RBM10: variants seen among roughly 807,000 people sequenced by gnomAD.
RBM10 encodes the protein RNA binding motif protein 10, also known as RNA-binding protein 10.
Under a neutral mutation model 84.9 loss-of-function variants are expected in RBM10, and 1 was observed. The observed-to-expected ratio is 0.01, with a 90% CI of 0.00 to 0.06. The LOEUF is 0.06. Ranked by LOEUF, RBM10 falls within the 10% of genes least tolerant of loss-of-function variation. The pLI is 1.00. For missense variants in RBM10, 438 were observed against 839.0 expected, an observed-to-expected ratio of 0.52 and a Z score of 5.90; for synonymous variants, 326 against 344.5, an observed-to-expected ratio of 0.95 and a Z score of 0.60.
rs782010379 is a variant in RBM10, at chrX:47,169,293, C to T, written c.18-22C>T. Reference sequence around the variant, plus strand: ...AGAAAGGGCAACCTTCTGATCCCTCCCCATCCTTCTTCCTCCACTAGTGGT... The same window carrying T: ...AGAAAGGGCAACCTTCTGATCCCTCTCCATCCTTCTTCCTCCACTAGTGGT... On this transcript the variant is annotated intron_variant, in intron 2 of 23. Coordinates refer to ENST00000377604, the MANE Select transcript of RBM10 (RefSeq NM_005676.5). 4 of 1,194,086 alleles carry T rather than the reference C, an allele frequency of 3.3e-6. No homozygotes were observed. The East Asian group carries it at 1.2e-4, about 36-fold the overall frequency.
In RBM10 at chrX:47,171,886, G is replaced by A. The variant is rs781872350; in HGVS notation, c.432+628G>A. On this transcript the variant is annotated intron_variant, in intron 4 of 23. Transcript: ENST00000377604. ...ATCTTGGTCCTTCTTAGTCTACTCC[G>A]CCGCCCCTCACCCCCTACCCCCATG... Among the ~76,000 whole-genome samples, 103 of 111,180 alleles carry A rather than the reference G, an allele frequency of 9.3e-4. 2 individuals carry two copies. Among genetic ancestry groups the A allele is most frequent in the African/African-American group, 3.1e-3 (94 of 30,593 alleles).
rs782425783 is a variant in RBM10 at position 47,181,770 on chromosome X, G to T, written c.1597G>T (p.Ala533Ser). ...NSQSYTIMSPAVLKSELQSPT... is the reference protein window; with the variant it reads ...NSQSYTIMSPSVLKSELQSPT... ...CCAGTCGTATACCATCATGTCACCC[G>T]CTGTGCTCAAATCTGAGCTCCAGAG... The change falls in exon 15 of 24, where the codon GCT becomes TCT. Residue 533 changes from alanine to serine, a missense_variant. Transcript: ENST00000377604. The T allele has an allele frequency of 8.3e-7, 1 of 1,211,047 alleles. No homozygotes were observed. Among genetic ancestry groups the T allele is most frequent in the Non-Finnish European group, 1.1e-6 (1 of 895,369 alleles).
chrX:47,165,848 C>T (rs1157759366), intron 2 of RBM10, among the ~76,000 whole-genome samples: 1 of 110,128 alleles, frequency 9.1e-6, no homozygotes, highest in African/African-American at 3.3e-5. Flanking sequence ...AGTGAAACCC[C>T]GTCTCTACTA....
At chrX:47,152,398 CTTGTT>C (rs1932820733) in intron 2 of RBM10, among the ~76,000 whole-genome samples, 1 of 100,592 alleles carries the variant, frequency 9.9e-6, no homozygotes, top group South Asian at 4.8e-4. Flanking sequence ...CTCAGAATTA[CTTGTT>C]TTAAGTATTT....
At chrX:47,145,592 G>C (rs373816123) in intron 1 of RBM10, 107 bp downstream of exon 1, 2 of 808,578 alleles carry the variant, frequency 2.5e-6, no homozygotes, top group East Asian at 7.3e-5. Flanking sequence ...CGGAACGGAG[G>C]GGTTGGTGCA....
chrX:47,176,736 C>G (rs1935184165), intron 7 of RBM10, 150 bp downstream of exon 7: 1 of 1,027,051 alleles, frequency 9.7e-7, no homozygotes, highest in African/African-American at 1.9e-5. Flanking sequence ...CTCTCTCTCT[C>G]TCTCTCTCAT....
Position 47,145,237 on chromosome X carries a change from T to G in RBM10, c.-374T>G. 1 of 463,552 alleles carries G rather than the reference T, an allele frequency of 2.2e-6. No individual in the cohort carries two copies. The highest frequency in any genetic ancestry group is 3.2e-5 in the Admixed American group (1 of 31,524). The allele number at this position is 463,552 out of a possible 1,213,427, so 38.2% of individuals were successfully genotyped here. ...CGCTTCCTTAGTAGGTGGATGGTGG[T>G]CGGAGCGCCGACTCCCTTCTCGTCG... On this transcript the variant is annotated 5_prime_UTR_variant, in exon 1 of 24. Transcript: ENST00000377604.
chrX:47,164,025 C>T (rs1323096939), intron 2 of RBM10, among the ~76,000 whole-genome samples: 1 of 107,924 alleles, frequency 9.3e-6, no homozygotes, highest in South Asian at 4.0e-4. Context: ...CCCGCCACCA[C>T]GCCCGGCTAA....
chrX:47,150,427 C>A (rs1932736873), intron 2 of RBM10, among the ~76,000 whole-genome samples: 1 of 111,974 alleles, frequency 8.9e-6, no homozygotes, highest in Non-Finnish European at 1.9e-5. Flanking sequence ...CTTGGCCTCC[C>A]AAAATGCTAG....
rs782409531 is a variant in RBM10 at position 47,166,875 on chromosome X, A to G, written c.18-2440A>G. Among the ~76,000 whole-genome samples, 4 of 108,000 alleles carry G rather than the reference A, an allele frequency of 3.7e-5. No individual in the cohort carries two copies. In the East Asian group the frequency reaches 1.2e-3, roughly 31 times the overall value. The allele number at this position is 108,000 out of a possible 115,157, so 93.8% of individuals were successfully genotyped here. A position where few individuals can be genotyped will look rare whatever the true frequency, so the allele number is the denominator to read the frequency against. ...ATTGCAACCTCCGCCTTCTGGGTTC[A>G]AGCGATTCTCCTGTCTCGCCCTCCC... is the stretch of plus-strand genomic sequence containing the variant. On this transcript the variant is annotated intron_variant, in intron 2 of 23. Coordinates refer to ENST00000377604, the MANE Select transcript of RBM10 (RefSeq NM_005676.5).
intron 7 of RBM10, 128 bp downstream of exon 7, chrX:47,176,714 GTCTCTCTCTC>G (rs59489451): frequency 1.7e-5 from 16 of 947,420 alleles, no homozygotes; most frequent in East Asian, 7.1e-5. Flanking sequence ...CTCTCCCTCT[GTCTCTCTCTC>G]TCTCTCTCTC....
chrX:47,157,759 G>A (rs182298213), intron 2 of RBM10: 17 of 456,274 alleles, frequency 3.7e-5, no homozygotes, highest in East Asian at 1.1e-4. Flanking sequence ...TCGATTGGCC[G>A]GCTGAGGTTC....
chrX:47,171,924 A>G (rs782041876), intron 4 of RBM10, among the ~76,000 whole-genome samples: 7 of 111,779 alleles, frequency 6.3e-5, no homozygotes, highest in Non-Finnish European at 1.9e-5. Context: ...TTCTCTGATC[A>G]GCCCTCCTCT....
At chrX:47,181,135 G>GAC in intron 12 of RBM10, 80 bp from the exon 13 acceptor site, 1 of 534,922 alleles carries the variant, frequency 1.9e-6, no homozygotes, top group South Asian at 2.8e-5. Flanking sequence ...CCACGTGTGG[G>GAC]ACAGATGCTT....
chrX:47,148,059 C>A (rs782271707), intron 2 of RBM10, among the ~76,000 whole-genome samples: 1 of 111,915 alleles, frequency 8.9e-6, no homozygotes, highest in African/African-American at 3.2e-5. Flanking sequence ...GTGACCCAGC[C>A]ATGACACTTG....
At chrX:47,148,273 T>C (rs1320900435) in intron 2 of RBM10, among the ~76,000 whole-genome samples, 1 of 112,759 alleles carries the variant, frequency 8.9e-6, no homozygotes, top group Non-Finnish European at 1.9e-5. Context: ...CATCACCTAG[T>C]GTTATTCAGT....
At chrX:47,178,125 A>G (rs192937131) in intron 7 of RBM10, among the ~76,000 whole-genome samples, 116 of 110,782 alleles carry the variant, frequency 1.0e-3, no homozygotes, top group Non-Finnish European at 1.7e-3. Flanking sequence ...CACCTGGAAC[A>G]TTCCTCAAAA....
At chrX:47,185,659 TG>T (rs1337726286) in intron 20 of RBM10, 29 bp downstream of exon 20, 5 of 1,207,404 alleles carry the variant, frequency 4.1e-6, no homozygotes, top group Non-Finnish European at 5.6e-6. Context: ...CAGGGCATGC[TG>T]GGGCCTGGCC....
rs1426764872 is a variant in RBM10 at position 47,147,337 on chromosome X, C to T, written c.-125-20C>T. The T allele has an allele frequency of 3.4e-6, 4 of 1,174,159 alleles. No individual in the cohort carries two copies. The highest frequency in any genetic ancestry group is 3.7e-5 in the South Asian group (2 of 53,541). On this transcript the variant is annotated intron_variant, in intron 1 of 23. Transcript: ENST00000377604. ...CAGTCCCAACAGTTTTGACCCCTTT[C>T]TTCCCTCCACTCTCCCCAGAGTCCC...
Sources: gnomAD v4.1 joint callset for allele counts (sites outside exome capture counted in the v4.1 genomes callset) on GRCh38, gnomAD v4.1.1 for gene constraint, MANE v1.5 for transcripts, NCBI Gene and HGNC (gene_info 2026-07-23, HGNC 2026-07-21) for gene names.